PCDH15: variants seen among roughly 807,000 people sequenced by gnomAD.
PCDH15 encodes the protein protocadherin related 15.
PCDH15 carries 129 observed loss-of-function variants against 178.5 expected under a neutral mutation model. The ratio of observed to expected loss-of-function variants is 0.72; its 90% CI spans 0.63 to 0.84. The LOEUF (loss-of-function observed/expected upper bound fraction) is 0.84. PCDH15 is among the 40% of genes least tolerant of loss of function. The pLI is 0.00. For synonymous variants in PCDH15, 800 were observed against 732.0 expected, an observed-to-expected ratio of 1.09 and a Z score of -1.50; for missense variants, 2,230 against 2,099.9, an observed-to-expected ratio of 1.06 and a Z score of -1.21.
rs186014812 is a variant in PCDH15 at position 54,795,958 on chromosome 10, A to T, written c.-29+4967T>A. 5.0e-4 allele frequency among the ~76,000 whole-genome samples: 76 copies of T among 152,012 alleles called. 2 individuals carry two copies. The Middle Eastern group carries it at 0.02, about 41-fold the overall frequency. On this transcript the variant is annotated intron_variant, in intron 1 of 37. Coordinates refer to ENST00000644397, the MANE Select transcript of PCDH15 (RefSeq NM_001384140.1). The stretch of plus-strand genomic sequence containing the variant: ...GGTCCTGTGCTTGCATGCTTTATGT[A>T]TGTGAATTACATCCTTTTATCACCC...
intron 1 of PCDH15, among the ~76,000 whole-genome samples, chr10:54,672,112 T>C (rs2094686034): frequency 6.6e-6 from 1 of 152,050 alleles, no homozygotes. Flanking sequence ...TGATCTGTCA[T>C]TGTCTCTCAT....
At chr10:54,357,333 A>G (rs1211989442) in intron 5 of PCDH15, among the ~76,000 whole-genome samples, 1 of 152,222 alleles carries the variant, frequency 6.6e-6, no homozygotes. Context: ...TACAAAATCA[A>G]TGTACAAAAA....
rs10535301 is a variant in PCDH15, at chr10:55,098,895, T to TGAGAGAGAGAGAGAGAGAGAGAGAGAGA, written c.-80+67653_-80+67680dup. 7.3e-3 allele frequency among the ~76,000 whole-genome samples: 873 copies of TGAGAGAGAGAGAGAGAGAGAGAGAGAGA among 120,150 alleles called. 25 individuals are homozygous for TGAGAGAGAGAGAGAGAGAGAGAGAGAGA. Among genetic ancestry groups the TGAGAGAGAGAGAGAGAGAGAGAGAGAGA allele is most frequent in the Middle Eastern group, 0.013 (3 of 238 alleles). The allele number at this position is 120,150 out of a possible 152,430, so 78.8% of individuals were successfully genotyped here. A position where few individuals can be genotyped will look rare whatever the true frequency, so the allele number is the denominator to read the frequency against. On this transcript the variant is annotated intron_variant, in intron 2 of 5. Coordinates refer to the PCDH15 transcript ENST00000458638. Reference sequence around the variant, plus strand: ...ATGTGTTCTTTCATTAAAACTTCAATGAGAGAGAGAGAGAGAGAGAGAGAG... The same window carrying TGAGAGAGAGAGAGAGAGAGAGAGAGAGA: ...ATGTGTTCTTTCATTAAAACTTCAATGAGAGAGAGAGAGAGAGAGAGAGAGAGAGAGAGAGAGAGAGAGAGAGAGAGAG...
chr10:54,140,691 T>C (rs1036005529), intron 14 of PCDH15, among the ~76,000 whole-genome samples: 12 of 151,588 alleles, frequency 7.9e-5, no homozygotes, highest in African/African-American at 2.7e-4. Context: ...ATGGTCTCAA[T>C]CTCCTGACCT....
intron 2 of PCDH15, among the ~76,000 whole-genome samples, chr10:55,531,312 CTT>C (rs1289279394): frequency 6.6e-6 from 1 of 151,894 alleles, no homozygotes; most frequent in Non-Finnish European, 1.5e-5. Context: ...TGTTATCTAT[CTT>C]ATATCAAATC....
chr10:55,589,081 CAAAAAAA>C (rs35940637), intron 2 of PCDH15, among the ~76,000 whole-genome samples: 14 of 81,172 alleles, frequency 1.7e-4, no homozygotes, highest in Admixed American at 4.5e-4. Flanking sequence ...AATTCCGTGT[CAAAAAAA>C]AAAAAAAAAA....
Position 54,368,669 on chromosome 10 carries a change from T to C in PCDH15, c.474+451A>G, listed in dbSNP as rs149065372. Among the ~76,000 whole-genome samples, 698 of 152,134 alleles carry C rather than the reference T, an allele frequency of 4.6e-3. 13 individuals carry two copies. In the South Asian group the frequency reaches 0.048, roughly 11 times the overall value. ...ATTCGGTTGTGATTTGTAGTTAATT[T>C]TTGGATATTTCAGAACTTGATTTTA... On this transcript the variant is annotated intron_variant, in intron 5 of 37. Coordinates refer to ENST00000644397, the MANE Select transcript of PCDH15 (RefSeq NM_001384140.1).
chr10:53,822,236 A>T, intron 32 of PCDH15: 1 of 1,613,872 alleles, frequency 6.2e-7, no homozygotes, highest in Non-Finnish European at 8.5e-7. Flanking sequence ...AAGCTGAAGG[A>T]GGTGGAGGGC....
At chr10:53,835,123 G>T (rs1368479129) in intron 29 of PCDH15, among the ~76,000 whole-genome samples, 1 of 152,002 alleles carries the variant, frequency 6.6e-6, no homozygotes, top group Admixed American at 6.6e-5. Flanking sequence ...CCATTGATTT[G>T]GATTTTCAGT....
At chr10:55,520,316 C>T (rs866637336) in intron 2 of PCDH15, among the ~76,000 whole-genome samples, 1 of 36,764 alleles carries the variant, frequency 2.7e-5, no homozygotes, top group Admixed American at 3.2e-4. Context: ...TATATATATA[C>T]ATGCAATGTG....
intron 30 of PCDH15, among the ~76,000 whole-genome samples, chr10:53,830,113 C>T (rs983769553): frequency 3.3e-5 from 5 of 151,992 alleles, no homozygotes; most frequent in Non-Finnish European, 5.9e-5. Context: ...ACCAGCCTGA[C>T]CAACATGGTG....
Position 55,007,385 on chromosome 10 carries a change from T to A in PCDH15, c.-79-109885A>T, listed in dbSNP as rs117510964. On this transcript the variant is annotated intron_variant, in intron 2 of 5. Transcript: ENST00000458638. Reference sequence around the variant, plus strand: ...GAAAATAGTGTTGTGGCTGTTATCATCTTAGTTAAATTCTCTTAAATAGCA... The same window carrying A: ...GAAAATAGTGTTGTGGCTGTTATCAACTTAGTTAAATTCTCTTAAATAGCA... Among the ~76,000 whole-genome samples, 835 of 146,398 alleles carry A rather than the reference T, an allele frequency of 5.7e-3. 3 individuals are homozygous for A. The highest frequency in any genetic ancestry group is 0.038 in the East Asian group (177 of 4,626).
At chr10:55,226,615 C>G (rs1184354563) in intron 1 of PCDH15, among the ~76,000 whole-genome samples, 1 of 151,942 alleles carries the variant, frequency 6.6e-6, no homozygotes, top group Non-Finnish European at 1.5e-5. Context: ...CTCCTGACCT[C>G]AGGTGATCCG....
chr10:55,575,945 C>T (rs1842489924), intron 2 of PCDH15, among the ~76,000 whole-genome samples: 1 of 152,126 alleles, frequency 6.6e-6, no homozygotes, highest in Non-Finnish European at 1.5e-5. Context: ...AATTAACATG[C>T]TCTAGAATGG....
intron 1 of PCDH15, among the ~76,000 whole-genome samples, chr10:55,312,981 A>G (rs1843626973): frequency 6.6e-6 from 1 of 152,218 alleles, no homozygotes; most frequent in South Asian, 2.1e-4. Flanking sequence ...ACAGAACTAT[A>G]GTCCAACATC....
chr10:55,531,550 T>C (rs1334452921), intron 2 of PCDH15, among the ~76,000 whole-genome samples: 1 of 152,024 alleles, frequency 6.6e-6, no homozygotes, highest in Non-Finnish European at 1.5e-5. Flanking sequence ...CATATTTTTC[T>C]ATGGGCAATA....
At chr10:54,631,345 C>A (rs1447155574) in intron 2 of PCDH15, among the ~76,000 whole-genome samples, 3 of 152,114 alleles carry the variant, frequency 2.0e-5, no homozygotes, top group African/African-American at 7.2e-5. Flanking sequence ...CCAATTCAAT[C>A]TCTTTTTTAA....
chr10:54,669,130 G>A (rs752298704), intron 1 of PCDH15, among the ~76,000 whole-genome samples: 6 of 152,044 alleles, frequency 3.9e-5, no homozygotes, highest in Non-Finnish European at 8.8e-5. Flanking sequence ...AATGACTAGA[G>A]AGAAACCTGT....
At chr10:54,911,207 C>T (rs147406094) in intron 2 of PCDH15, among the ~76,000 whole-genome samples, 45 of 152,200 alleles carry the variant, frequency 3.0e-4, no homozygotes, top group African/African-American at 9.1e-4. Context: ...ACAGTTTCAC[C>T]GGTTAAGCTC....
Sources: allele counts gnomAD v4.1 joint callset (sites outside exome capture counted in the v4.1 genomes callset), GRCh38; gene constraint gnomAD v4.1.1; transcripts MANE v1.5; gene names NCBI Gene and HGNC (gene_info 2026-07-23, HGNC 2026-07-21).